Variants in CENPF observed in about 807,000 individuals in gnomAD.
The protein encoded by CENPF is AH antigen.
A neutral mutation model predicts 307.3 loss-of-function variants in CENPF; 214 were observed. That is an observed-to-expected ratio of 0.70 (90% confidence interval 0.62 to 0.78). CENPF has a LOEUF of 0.78. Ranked by LOEUF, CENPF falls within the 30% of genes least tolerant of loss-of-function variation. The probability of loss-of-function intolerance (pLI) is 0.00; values close to 1 mark genes in which losing one functional copy is unlikely to be tolerated. For synonymous variants in CENPF, 1,259 were observed against 1,270.6 expected, an observed-to-expected ratio of 0.99 and a Z score of 0.19; for missense variants, 3,401 against 3,483.9, an observed-to-expected ratio of 0.98 and a Z score of 0.60.
intron 7 of CENPF, among the ~76,000 whole-genome samples, chr1:214,626,091 C>T (rs535498451): frequency 1.9e-4 from 29 of 152,150 alleles, no homozygotes; most frequent in African/African-American, 6.7e-4. Context: ...CCTTTATTTC[C>T]TTTCTGTTTA....
intron 17 of CENPF, among the ~76,000 whole-genome samples, chr1:214,656,597 G>A (rs1432534117): frequency 6.6e-6 from 1 of 152,136 alleles, no homozygotes; most frequent in Non-Finnish European, 1.5e-5. Flanking sequence ...ATGGACTGGG[G>A]AAAATAAGGA....
intron 3 of CENPF, among the ~76,000 whole-genome samples, chr1:214,616,085 A>G (rs1248462012): frequency 6.6e-6 from 1 of 152,108 alleles, no homozygotes; most frequent in East Asian, 1.9e-4. Flanking sequence ...ACCGTTTGGA[A>G]TGTTTGTTAA....
rs537048457 is a variant in CENPF at position 214,607,409 on chromosome 1, C to T, written c.-42+4088C>T. Among the ~76,000 whole-genome samples, 363 of 152,268 alleles carry T rather than the reference C, an allele frequency of 2.4e-3. 2 individuals carry two copies. The highest frequency in any genetic ancestry group is 8.2e-3 in the African/African-American group (342 of 41,560). ...CCCAGGCAGTAGAGACAGGAGGGGC[C>T]GAGGAAGTCGCATGAAGTGGTTGGT... On this transcript the variant is annotated intron_variant, in intron 1 of 19. Coordinates refer to ENST00000366955, the MANE Select transcript of CENPF (RefSeq NM_016343.4).
chr1:214,650,490 A>G (rs1230857785), intron 14 of CENPF, among the ~76,000 whole-genome samples: 1 of 152,138 alleles, frequency 6.6e-6, no homozygotes, highest in Non-Finnish European at 1.5e-5. Flanking sequence ...GAGGAACTCT[A>G]GCACACAAGG....
rs746216179 is a variant in CENPF at position 214,646,447 on chromosome 1, A to G, written c.6877A>G (p.Ile2293Val). 3.7e-6 allele frequency: 6 copies of G among 1,614,100 alleles called. No homozygotes were observed. Among genetic ancestry groups the G allele is most frequent in the South Asian group, 1.1e-5 (1 of 91,086 alleles). ...KATEQSLDPPIEEEHQLRNSI... is the reference protein window; with the variant it reads ...KATEQSLDPPVEEEHQLRNSI... ...CACAGAACAGAGTCTAGACCCACCA[A>G]TAGAGGAAGAGCATCAGCTGAGAAA... The change falls in exon 13 of 20, where the codon ATA (isoleucine) becomes GTA (valine). Residue 2293 changes from isoleucine (I) to valine (V), a missense_variant. Ile to Val is a conservative substitution (Grantham distance 29). Transcript: ENST00000366955.
intron 8 of CENPF, 147 bp from the exon 9 acceptor site, chr1:214,630,387 A>C: frequency 1.1e-6 from 1 of 918,816 alleles, no homozygotes; most frequent in Non-Finnish European, 1.6e-6. Context: ...AAGGCTGACT[A>C]TGTTCATCGT....
chr1:214,605,930 T>G (rs996470907), intron 1 of CENPF: 13 of 1,597,256 alleles, frequency 8.1e-6, no homozygotes, highest in Admixed American at 6.7e-5. Context: ...GTAGGTCTTC[T>G]TGGTGTCGGG....
chr1:214,644,469 C>G (rs550083523), intron 12 of CENPF, 88 bp from the exon 13 acceptor site: 3 of 1,251,378 alleles, frequency 2.4e-6, no homozygotes, highest in Middle Eastern at 2.1e-4. Context: ...GGCCACGCAT[C>G]AGTTTCTAAA....
intron 1 of CENPF, chr1:214,608,647 C>T: frequency 1.9e-6 from 3 of 1,602,226 alleles, no homozygotes; most frequent in Non-Finnish European, 2.5e-6. Context: ...CAGCTTCCAG[C>T]GCCCGGGTGC....
In CENPF at chr1:214,641,652, C is replaced by T. The variant is rs12067133; in HGVS notation, c.3314C>T (p.Thr1105Ile). The T allele has an allele frequency of 0.062, 97,126 of 1,578,048 alleles. 3,812 individuals carry two copies. The highest frequency in any genetic ancestry group is 0.14 in the South Asian group (12,037 of 84,338). ...RNQNLMLELETVQQALRSEMT... is the reference protein window; with the variant it reads ...RNQNLMLELEIVQQALRSEMT... The stretch of plus-strand genomic sequence containing the variant: ...CAGAATCTGATGCTAGAGTTGGAGA[C>T]AGTGCAGCAAGCTCTGAGATCTGAG... Residue 1105 changes from threonine to isoleucine, a missense_variant, in exon 12 of 20, where the codon ACA becomes ATA. Thr to Ile is a moderately conservative substitution (Grantham distance 89). Transcript: ENST00000366955.
rs547073509 is a variant in CENPF at position 214,657,158 on chromosome 1, G to T, written c.8711G>T (p.Gly2904Val). Reference protein sequence around the residue: ...KQDSRGSPLLGPVVPGPSPIP... With the variant: ...KQDSRGSPLLVPVVPGPSPIP... ...GATTCCCGAGGGTCTCCTTTGCTAGGTCCAGTTGTTCCAGGACCATCTCCA... is the reference window on the plus strand; with the variant it reads ...GATTCCCGAGGGTCTCCTTTGCTAGTTCCAGTTGTTCCAGGACCATCTCCA... The change falls in exon 18 of 20, where the codon GGT (glycine) becomes GTT (valine). Residue 2904 changes from glycine to valine, a missense_variant. Coordinates refer to ENST00000366955, the MANE Select transcript of CENPF (RefSeq NM_016343.4). 5.0e-6 allele frequency: 8 copies of T among 1,614,112 alleles called. No homozygotes were observed. In the African/African-American group the frequency reaches 9.3e-5, roughly 19 times the overall value.
In CENPF at chr1:214,642,251, A is replaced by G. The variant is rs745857802; in HGVS notation, c.3913A>G (p.Lys1305Glu). ...AATGAACAAGCTGAATGAGCTAGAG[A>G]AAATATGTGAAATACTGCAGGCTGA... ...TTMNKLNELE[K>E]ICEILQAEKY... Residue 1305 changes from lysine to glutamate, a missense_variant, in exon 12 of 20, where the codon AAA becomes GAA. By Grantham distance (56) the Lys-to-Glu change is moderately conservative. Coordinates refer to ENST00000366955, the MANE Select transcript of CENPF (RefSeq NM_016343.4). 4 of 1,613,878 alleles carry G rather than the reference A, an allele frequency of 2.5e-6. No individual in the cohort carries two copies. The highest frequency in any genetic ancestry group is 3.4e-6 in the Non-Finnish European group (4 of 1,179,980).
intron 1 of CENPF, among the ~76,000 whole-genome samples, chr1:214,606,844 C>T (rs1445957994): frequency 1.1e-4 from 16 of 152,232 alleles, no homozygotes; most frequent in South Asian, 4.1e-4. Context: ...CCCAACCACG[C>T]GGGACCCACC....
At chr1:214,661,925 T>G (rs1478495108) in intron 19 of CENPF, among the ~76,000 whole-genome samples, 1 of 152,158 alleles carries the variant, frequency 6.6e-6, no homozygotes, top group Admixed American at 6.5e-5. Flanking sequence ...ACTATCTTAA[T>G]AGATTAAATA....
At position 214,651,832 on chromosome 1, in the gene CENPF, G is replaced by GC; in HGVS notation, c.8107dup (p.Leu2703ProfsTer3). The GC allele has an allele frequency of 6.2e-7, 1 of 1,611,346 alleles. No homozygotes were observed. Among genetic ancestry groups the GC allele is most frequent in the Non-Finnish European group, 8.5e-7 (1 of 1,179,340 alleles). Reference sequence around the variant, plus strand: ...AGGAAATAGCTGAATATCAGCTACGGCTTCATGAAGCTGAAAAGAAACACC... The same window carrying GC: ...AGGAAATAGCTGAATATCAGCTACGGCCTTCATGAAGCTGAAAAGAAACACC... On this transcript the variant is annotated frameshift_variant, in exon 15 of 20. Coordinates refer to ENST00000366955, the MANE Select transcript of CENPF (RefSeq NM_016343.4). LOFTEE classifies it high-confidence loss of function.
chr1:214,637,035 CTAG>C (rs1328739650), intron 10 of CENPF, among the ~76,000 whole-genome samples: 1 of 152,142 alleles, frequency 6.6e-6, no homozygotes, highest in Non-Finnish European at 1.5e-5. Context: ...ATAGGCCTCC[CTAG>C]TAGTAGAATG....
intron 1 of CENPF, chr1:214,613,267 C>T: frequency 4.0e-6 from 1 of 252,552 alleles, no homozygotes; most frequent in Non-Finnish European, 8.0e-6. Flanking sequence ...TCCATCTTGT[C>T]CCAGGTCTTC....
chr1:214,620,707 G>A lies in CENPF; in HGVS notation c.626G>A (p.Arg209Gln), dbSNP rs747815581. The A allele has an allele frequency of 1.9e-5, 30 of 1,613,918 alleles. 1 individual carries two copies. The highest frequency in any genetic ancestry group is 1.1e-4 in the South Asian group (10 of 91,058). Residue 209 changes from arginine to glutamine, a missense_variant, in exon 6 of 20, where the codon CGG becomes CAG. Physicochemically the swap from Arg to Gln is conservative, Grantham distance 43. Transcript: ENST00000366955. ...ACCATGAATCACCGCGACATTGCCC[G>A]GCATCAGGCTTCATCATCTGTGTTC... ...QATMNHRDIA[R>Q]HQASSSVFSW...
At chr1:214,637,629 A>G (rs1351943377) in intron 10 of CENPF, among the ~76,000 whole-genome samples, 2 of 152,196 alleles carry the variant, frequency 1.3e-5, no homozygotes, top group East Asian at 1.9e-4. Context: ...AGAAAGTTCA[A>G]TGAAACTTCT....
Sources: allele counts gnomAD v4.1 joint callset (sites outside exome capture counted in the v4.1 genomes callset), GRCh38; gene constraint gnomAD v4.1.1; transcripts MANE v1.5; gene names NCBI Gene and HGNC (gene_info 2026-07-23, HGNC 2026-07-21).